The following ASXL3 variants were observed in gnomAD, a reference collection of about 807,000 sequenced individuals.
ASXL3 encodes putative Polycomb group protein ASXL3.
In ASXL3, 34 loss-of-function variants were observed where a neutral mutation model predicts 170.6. That is an observed-to-expected ratio of 0.20 (90% CI 0.15 to 0.27). The LOEUF is 0.27. Among genes scored for constraint, ASXL3 ranks in the 10% least tolerant of loss-of-function variants. ASXL3 has a pLI of 1.00. For synonymous variants in ASXL3, 1,002 were observed against 989.1 expected (o/e 1.01, Z -0.24); for missense variants, 2,592 against 2,695.3 (o/e 0.96, Z 0.85).
chr18:33,646,216 A>G (rs757492635), intron 3 of ASXL3, 29 bp from the exon 4 acceptor site: 129 of 1,579,652 alleles, frequency 8.2e-5, no homozygotes, highest in Non-Finnish European at 1.0e-4. Context: ...CATCTTCTCC[A>G]TAAATCATCA....
At chr18:33,587,174 T>A (rs976603849) in intron 1 of ASXL3, among the ~76,000 whole-genome samples, 2 of 152,212 alleles carry the variant, frequency 1.3e-5, no homozygotes, top group Non-Finnish European at 2.9e-5. Context: ...AAGAAGCCCT[T>A]TTCAAAACTG....
At chr18:33,720,482 C>T (rs758051197) in intron 8 of ASXL3, among the ~76,000 whole-genome samples, 1 of 152,056 alleles carries the variant, frequency 6.6e-6, no homozygotes, top group African/African-American at 2.4e-5. Context: ...TCCCCCCTTC[C>T]CCCTCTGCTA....
intron 2 of ASXL3, among the ~76,000 whole-genome samples, chr18:33,611,889 G>A (rs1439355444): frequency 6.6e-6 from 1 of 151,908 alleles, no homozygotes; most frequent in Non-Finnish European, 1.5e-5. Flanking sequence ...TGATGCCTGA[G>A]GATGTGTTTT....
At chr18:33,700,722 G>A (rs972116387) in intron 8 of ASXL3, among the ~76,000 whole-genome samples, 12 of 152,016 alleles carry the variant, frequency 7.9e-5, no homozygotes, top group African/African-American at 2.9e-4. Context: ...CAAAAGTGTT[G>A]GCTATAGAAT....
intron 2 of ASXL3, among the ~76,000 whole-genome samples, chr18:33,643,602 T>C (rs1370505055): frequency 6.6e-6 from 1 of 151,964 alleles, no homozygotes; most frequent in Non-Finnish European, 1.5e-5. Context: ...CTTATGACCA[T>C]GATGTATATA....
At chr18:33,652,140 G>A (rs1599448250) in intron 4 of ASXL3, among the ~76,000 whole-genome samples, 1 of 152,064 alleles carries the variant, frequency 6.6e-6, no homozygotes, top group Non-Finnish European at 1.5e-5. Flanking sequence ...GTATAAATCT[G>A]TGCCACCCAA....
At chr18:33,649,879 A>G (rs535827317) in intron 4 of ASXL3, among the ~76,000 whole-genome samples, 18 of 152,108 alleles carry the variant, frequency 1.2e-4, no homozygotes, top group East Asian at 1.2e-3. Context: ...CTATTATGGG[A>G]TGTATTTTCA....
rs370185733 is a variant in ASXL3, at chr18:33,739,558, G to T, written c.2154G>T (p.Pro718=). 3.1e-6 allele frequency: 5 copies of T among 1,613,750 alleles called. No individual in the cohort carries two copies. The African/African-American group carries it at 4.0e-5, about 13-fold the overall frequency. Residue 718 remains proline, a synonymous_variant, in exon 11 of 12, where the codon CCG becomes CCT. Coordinates refer to ENST00000269197, the MANE Select transcript of ASXL3 (RefSeq NM_030632.3). ...TACCTTTAACATCAGAAACCTCACC[G>T]ATGTCTGACTTACCTTTAACATCAG... ...SNLPLTSETS[P]MSDLPLTSET...
At chr18:33,610,801 G>C (rs2065325007) in intron 2 of ASXL3, among the ~76,000 whole-genome samples, 1 of 151,864 alleles carries the variant, frequency 6.6e-6, no homozygotes, top group Non-Finnish European at 1.5e-5. Flanking sequence ...ATATTTTTAT[G>C]ATATTTAATA....
intron 2 of ASXL3, among the ~76,000 whole-genome samples, chr18:33,628,910 A>C (rs1022176401): frequency 6.6e-6 from 1 of 152,096 alleles, no homozygotes; most frequent in African/African-American, 2.4e-5. Context: ...TCATACTAGC[A>C]GTTTTCATTT....
intron 2 of ASXL3, among the ~76,000 whole-genome samples, chr18:33,644,015 T>C (rs112776239): frequency 6.6e-6 from 1 of 151,900 alleles, no homozygotes; most frequent in Non-Finnish European, 1.5e-5. Flanking sequence ...CTTCTAAATA[T>C]TAGTTTGCAA....
intron 8 of ASXL3, among the ~76,000 whole-genome samples, chr18:33,709,966 G>A (rs1337960166): frequency 1.3e-5 from 2 of 152,108 alleles, no homozygotes; most frequent in Non-Finnish European, 2.9e-5. Context: ...CTTAAAAGCT[G>A]ACTGATGGGC....
intron 8 of ASXL3, among the ~76,000 whole-genome samples, chr18:33,713,265 T>TTTTG: frequency 8.2e-6 from 1 of 121,216 alleles, no homozygotes; most frequent in African/African-American, 3.3e-5. Flanking sequence ...TTTTTTTTTT[T>TTTTG]TTTTTTTTTG....
intron 1 of ASXL3, among the ~76,000 whole-genome samples, chr18:33,593,641 A>G (rs991872018): frequency 6.6e-6 from 1 of 152,198 alleles, no homozygotes; most frequent in Non-Finnish European, 1.5e-5. Context: ...TATCTGTTTC[A>G]TGCTGTAAAT....
chr18:33,713,907 G>A (rs973390033), intron 8 of ASXL3, among the ~76,000 whole-genome samples: 4 of 152,170 alleles, frequency 2.6e-5, no homozygotes, highest in Non-Finnish European at 5.9e-5. Context: ...AGAAAATTTT[G>A]TATGTGTTAA....
In ASXL3 at chr18:33,748,095, G is replaced by A. The variant is rs1437837500; in HGVS notation, c.*1500G>A. 7.1e-6 allele frequency: 1 copy of A among 141,480 alleles called. No individual in the cohort carries two copies. The highest frequency in any genetic ancestry group is 2.7e-5 in the African/African-American group (1 of 36,390). 8.8% of individuals were successfully genotyped at this position (141,480 alleles called of 1,614,324 possible). ...GCCATTAACCCATTGATTGATTGTG[G>A]CTGTAGAATTTAAAAAGCAAACATG... On this transcript the variant is annotated 3_prime_UTR_variant, in exon 12 of 12. Coordinates refer to ENST00000269197, the MANE Select transcript of ASXL3 (RefSeq NM_030632.3).
chr18:33,736,318 G>A (rs1320389391), intron 10 of ASXL3, among the ~76,000 whole-genome samples: 2 of 151,956 alleles, frequency 1.3e-5, no homozygotes, highest in Non-Finnish European at 2.9e-5. Context: ...ACCAAGCTCT[G>A]AATACAAAGC....
At chr18:33,609,051 A>G (rs2065294271) in intron 2 of ASXL3, 1 of 984,960 alleles carries the variant, frequency 1.0e-6, no homozygotes. Flanking sequence ...GTTCCCCCAG[A>G]AAGTGGAGGC....
rs145633897 is a variant in ASXL3 at position 33,629,301 on chromosome 18, G to A, written c.138-15593G>A. 5.0e-4 allele frequency among the ~76,000 whole-genome samples: 76 copies of A among 152,226 alleles called. 1 individual carries two copies. The Middle Eastern group carries it at 0.01, about 20-fold the overall frequency. ...AGAAACTATTTCCTGAAAGCTTTAA[G>A]TGGCAATATAAAAGACCAAGAACAT... On this transcript the variant is annotated intron_variant, in intron 2 of 11. Coordinates refer to ENST00000269197, the MANE Select transcript of ASXL3 (RefSeq NM_030632.3).
Sources: allele counts gnomAD v4.1 joint callset (sites outside exome capture counted in the v4.1 genomes callset), GRCh38; gene constraint gnomAD v4.1.1; transcripts MANE v1.5; gene names NCBI Gene and HGNC (gene_info 2026-07-23, HGNC 2026-07-21).